SNAP91: variants seen among roughly 807,000 people sequenced by gnomAD.
SNAP91 encodes the protein clathrin coat assembly protein AP180.
SNAP91 carries 27 observed loss-of-function variants against 100.3 expected under a neutral mutation model. The observed-to-expected ratio is 0.27, with a 90% CI of 0.20 to 0.37. The LOEUF (loss-of-function observed/expected upper bound fraction) is 0.37, where lower values mean the gene tolerates loss of function less well. SNAP91 is among the 10% of genes least tolerant of loss of function. The pLI, the probability that SNAP91 is intolerant of heterozygous loss-of-function variation, is 1.00. For synonymous variants in SNAP91, 404 were observed against 398.6 expected, an observed-to-expected ratio of 1.01 and a Z score of -0.16; for missense variants, 986 against 1,123.7, an observed-to-expected ratio of 0.88 and a Z score of 1.75.
intron 2 of SNAP91, among the ~76,000 whole-genome samples, chr6:83,677,271 G>T (rs758727999): frequency 6.6e-6 from 1 of 152,096 alleles, no homozygotes; most frequent in African/African-American, 2.4e-5. Context: ...CAGAATCACT[G>T]GCAAGCTATA....
At chr6:83,644,086 C>T (rs1381217926) in intron 7 of SNAP91, among the ~76,000 whole-genome samples, 2 of 152,156 alleles carry the variant, frequency 1.3e-5, no homozygotes, top group Non-Finnish European at 2.9e-5. Flanking sequence ...ATCCAAATTA[C>T]TTCTCTTTAG....
At chr6:83,708,791 T>TC (rs1470663474) in intron 1 of SNAP91, 54 bp downstream of exon 1, 1 of 151,654 alleles carries the variant, frequency 6.6e-6, no homozygotes, top group Non-Finnish European at 1.5e-5. Flanking sequence ...CCTCTGCGGA[T>TC]CCCCGCGAGA....
At chr6:83,560,841 T>A in intron 27 of SNAP91, 23 bp downstream of exon 27, 1 of 1,605,752 alleles carries the variant, frequency 6.2e-7, no homozygotes, top group Non-Finnish European at 8.5e-7. Flanking sequence ...TGATTACAAT[T>A]TTTAGCACAC....
chr6:83,562,537 T>C (rs765164907), intron 26 of SNAP91, among the ~76,000 whole-genome samples: 2 of 152,212 alleles, frequency 1.3e-5, no homozygotes, highest in African/African-American at 2.4e-5. Flanking sequence ...TGATACAATT[T>C]CTAGTTCTCT....
intron 2 of SNAP91, among the ~76,000 whole-genome samples, chr6:83,681,145 T>G (rs979624025): frequency 6.6e-6 from 1 of 152,176 alleles, no homozygotes; most frequent in Admixed American, 6.6e-5. Flanking sequence ...TTGAATTATA[T>G]GAAATTACCT....
intron 29 of SNAP91, 44 bp from the exon 30 acceptor site, chr6:83,554,329 C>G (rs774426054): frequency 7.3e-6 from 2 of 273,640 alleles, no homozygotes; most frequent in Non-Finnish European, 1.4e-5. Flanking sequence ...AAGATTATTA[C>G]ATAGTCCTCA....
chr6:83,613,375 T>TA (rs2096273821), intron 11 of SNAP91, among the ~76,000 whole-genome samples: 1 of 152,252 alleles, frequency 6.6e-6, no homozygotes, highest in South Asian at 2.1e-4. Flanking sequence ...GTATTCATTC[T>TA]ATAATCAATA....
chr6:83,575,481 C>T (rs546138841), intron 25 of SNAP91: 12 of 265,160 alleles, frequency 4.5e-5, no homozygotes, highest in Non-Finnish European at 7.1e-5. Context: ...TTAAGATGCA[C>T]TGATGATGGC....
At chr6:83,559,132 C>A in intron 28 of SNAP91, among the ~76,000 whole-genome samples, 1 of 152,106 alleles carries the variant, frequency 6.6e-6, no homozygotes, top group East Asian at 1.9e-4. Flanking sequence ...GGGAACAACA[C>A]CTGACAGTTT....
At chr6:83,671,242 T>C (rs2098780888) in intron 2 of SNAP91, among the ~76,000 whole-genome samples, 1 of 152,118 alleles carries the variant, frequency 6.6e-6, no homozygotes, top group Non-Finnish European at 1.5e-5. Context: ...GATGCATTCC[T>C]AATGTTTTAT....
At position 83,556,181 on chromosome 6, in the gene SNAP91, G is replaced by A. The variant is rs758857135; in HGVS notation, c.2696C>T (p.Ala899Val). 4.5e-6 allele frequency: 7 copies of A among 1,571,250 alleles called. No homozygotes were observed. Among genetic ancestry groups the A allele is most frequent in the Non-Finnish European group, 5.2e-6 (6 of 1,157,624 alleles). The change falls in exon 29 of 30, where the codon GCG becomes GTG. Residue 899 changes from alanine (A) to valine (V), a missense_variant. Coordinates refer to ENST00000369694, the MANE Select transcript of SNAP91 (RefSeq NM_001242792.2). ...CAAGAAATCCTTGATGTTAAGATCC[G>A]CTAATGGGTCCTTTGCTGGAGGTTT... Reference protein sequence around the residue: ...PKKPPAKDPLADLNIKDFL With the variant: ...PKKPPAKDPLVDLNIKDFL
chr6:83,580,701 T>C (rs1826964279), intron 23 of SNAP91, 102 bp from the exon 24 acceptor site: 1 of 1,083,882 alleles, frequency 9.2e-7, no homozygotes, highest in Non-Finnish European at 1.3e-6. Context: ...AACAAGTGAA[T>C]ATAAAATCTT....
At chr6:83,616,031 C>T (rs905207691) in intron 10 of SNAP91, among the ~76,000 whole-genome samples, 3 of 152,182 alleles carry the variant, frequency 2.0e-5, no homozygotes, top group Non-Finnish European at 1.5e-5. Flanking sequence ...AGAGGACATA[C>T]ATTAAGTGTT....
At chr6:83,651,209 T>C (rs2098189894) in intron 7 of SNAP91, among the ~76,000 whole-genome samples, 1 of 152,136 alleles carries the variant, frequency 6.6e-6, no homozygotes, top group South Asian at 2.1e-4. Context: ...GCTTTTGGTT[T>C]CATCATTTTT....
intron 2 of SNAP91, among the ~76,000 whole-genome samples, chr6:83,680,857 C>T (rs779590137): frequency 1.3e-5 from 2 of 152,104 alleles, no homozygotes; most frequent in African/African-American, 4.8e-5. Context: ...TGTTTGCCTA[C>T]AGTAAGAATT....
intron 2 of SNAP91, among the ~76,000 whole-genome samples, chr6:83,666,904 T>A (rs887628620): frequency 1.3e-5 from 2 of 152,034 alleles, no homozygotes; most frequent in African/African-American, 4.8e-5. Flanking sequence ...TCCTGCTGGG[T>A]GTTCAGAATA....
intron 8 of SNAP91, among the ~76,000 whole-genome samples, chr6:83,629,672 T>C (rs1174236045): frequency 1.3e-5 from 2 of 152,148 alleles, no homozygotes; most frequent in East Asian, 3.9e-4. Context: ...TGTTGGTGTA[T>C]CGAAGAGCTA....
chr6:83,588,149 T>A (rs1002371726), intron 22 of SNAP91, among the ~76,000 whole-genome samples: 3 of 152,130 alleles, frequency 2.0e-5, no homozygotes, highest in Non-Finnish European at 4.4e-5. Context: ...GGATATAAGG[T>A]GAAATAATAT....
intron 7 of SNAP91, among the ~76,000 whole-genome samples, chr6:83,652,074 TAA>T (rs2098231502): frequency 1.3e-5 from 2 of 152,196 alleles, no homozygotes; most frequent in South Asian, 4.1e-4. Context: ...TCTCTACTCT[TAA>T]TTTATGTGTG....
Sources: allele counts gnomAD v4.1 joint callset (sites outside exome capture counted in the v4.1 genomes callset), GRCh38; gene constraint gnomAD v4.1.1; transcripts MANE v1.5; gene names NCBI Gene and HGNC (gene_info 2026-07-23, HGNC 2026-07-21).